CALM3: variants seen among roughly 807,000 people sequenced by gnomAD.
The protein encoded by CALM3 is calmodulin 3, also known as calmodulin-3.
CALM3 carries 5 observed loss-of-function variants against 20.1 expected under a neutral mutation model. The observed-to-expected ratio is 0.25, with a 90% CI of 0.13 to 0.52. The LOEUF (loss-of-function observed/expected upper bound fraction) is 0.52, where lower values mean the gene tolerates loss of function less well. Among genes scored for constraint, CALM3 ranks in the 20% least tolerant of loss-of-function variants. The pLI is 0.96. For missense variants in CALM3, 57 were observed against 192.8 expected (o/e 0.30, Z 4.17); for synonymous variants, 69 against 68.1 (o/e 1.01, Z -0.06).
At chr19:46,609,078 A>G (rs750808046) in intron 5 of CALM3, 47 bp from the exon 6 acceptor site, 25 of 1,613,864 alleles carry the variant, frequency 1.5e-5, no homozygotes, top group African/African-American at 4.0e-5. Context: ...GCCGCTCGCC[A>G]CTTAGCCTGC....
upstream of CALM3, chr19:46,601,168 G>C (rs1971601183): frequency 1.8e-6 from 1 of 558,520 alleles, no homozygotes; most frequent in Admixed American, 3.7e-5. The surrounding 1 kb of genome is among the most constrained non-coding windows in gnomAD (Gnocchi z 4.2). Flanking sequence ...GAGATTCGCG[G>C]GCCCGTAGGT....
chr19:46,610,536 G>C lies in CALM3; in HGVS notation c.*1383G>C, dbSNP rs1192080106. 6.7e-6 allele frequency: 1 copy of C among 148,752 alleles called. No individual in the cohort carries two copies. The highest frequency in any genetic ancestry group is 2.5e-5 in the African/African-American group (1 of 39,814). The allele number at this position is 148,752 out of a possible 1,614,324, so 9.2% of individuals were successfully genotyped here. A position where few individuals can be genotyped will look rare whatever the true frequency, so the allele number is the denominator to read the frequency against. On this transcript the variant is annotated 3_prime_UTR_variant, in exon 6 of 6. Coordinates refer to ENST00000291295, the MANE Select transcript of CALM3 (RefSeq NM_005184.4). ...AGGTCGATCAAGTGGCTTTTCCTGG[G>C]ACCTGCCCAGCTTTGAGAATCTCTT... is the stretch of plus-strand genomic sequence containing the variant.
rs749960299 is a variant in CALM3, at chr19:46,608,170, T to C, written c.35-27T>C. The C allele has an allele frequency of 2.2e-5, 35 of 1,608,252 alleles. No individual in the cohort carries two copies. Among genetic ancestry groups the C allele is most frequent in the Admixed American group, 3.3e-5 (2 of 59,730 alleles). ...GGATTCTCCTGTGGACCTTGTGACC[T>C]CTGACTCCTCCCCCTTCTTCCCCCA... On this transcript the variant is annotated intron_variant, in intron 2 of 5. Transcript: ENST00000291295. This position sits in a 1 kb window ranked among gnomAD's most constrained non-coding sequence, Gnocchi z 5.5.
chr19:46,609,163 G>T lies in CALM3; in HGVS notation c.*10G>T. On this transcript the variant is annotated 3_prime_UTR_variant, in exon 6 of 6. Transcript: ENST00000291295. ...GATGACTGCAAAGTGAAGGCCCCCCGGGCAGCTGGCGATGCCCGTTCTCTT... is the reference window on the plus strand; with the variant it reads ...GATGACTGCAAAGTGAAGGCCCCCCTGGCAGCTGGCGATGCCCGTTCTCTT... The T allele has an allele frequency of 1.9e-6, 3 of 1,613,644 alleles. No individual in the cohort carries two copies. The highest frequency in any genetic ancestry group is 2.5e-6 in the Non-Finnish European group (3 of 1,179,796).
chr19:46,606,846 T>C (rs1473861027), intron 2 of CALM3, among the ~76,000 whole-genome samples: 1 of 152,114 alleles, frequency 6.6e-6, no homozygotes, highest in Non-Finnish European at 1.5e-5. Flanking sequence ...CAGCACACAG[T>C]AGACCAGAGT....
chr19:46,609,502 CTTGT>C lies in CALM3; in HGVS notation c.*354_*357del, dbSNP rs1971825073. On this transcript the variant is annotated 3_prime_UTR_variant, in exon 6 of 6. Transcript: ENST00000291295. ...TCTCCTCCATTTTGGTTTGTTTCCT[CTTGT>C]TTGTCATCTTATTTTGGGTGCTGGG... The C allele has an allele frequency of 2.8e-6, 1 of 352,474 alleles. No homozygotes were observed. The highest frequency in any genetic ancestry group is 5.7e-5 in the East Asian group (1 of 17,412). 21.8% of individuals were successfully genotyped at this position (352,474 alleles called of 1,614,324 possible). A position where few individuals can be genotyped will look rare whatever the true frequency, so the allele number is the denominator to read the frequency against.
At position 46,605,704 on chromosome 19, in the gene CALM3, C is replaced by A; in HGVS notation, c.4-123C>A. ...AGACCCTGACTCTGGCATGCTCCTC[C>A]CTGGCCCGGCGGGAATGGCACGTGG... is the stretch of plus-strand genomic sequence containing the variant. On this transcript the variant is annotated intron_variant, in intron 1 of 5. Coordinates refer to ENST00000291295, the MANE Select transcript of CALM3 (RefSeq NM_005184.4). The surrounding 1 kb of genome is among the most constrained non-coding windows in gnomAD (Gnocchi z 4.1). 1 of 880,312 alleles carries A rather than the reference C, an allele frequency of 1.1e-6. No individual in the cohort carries two copies. The allele number at this position is 880,312 out of a possible 1,614,324, so 54.5% of individuals were successfully genotyped here.
At chr19:46,607,873 T>TCAAAGC (rs1416764628) in intron 2 of CALM3, 8 of 230,362 alleles carry the variant, frequency 3.5e-5, no homozygotes, top group African/African-American at 1.6e-4. Flanking sequence ...AAGGGAGAAG[T>TCAAAGC]CAAAGCCAGG....
At position 46,610,251 on chromosome 19, in the gene CALM3, G is replaced by A. The variant is rs1002103511; in HGVS notation, c.*1098G>A. On this transcript the variant is annotated 3_prime_UTR_variant, in exon 6 of 6. Coordinates refer to ENST00000291295, the MANE Select transcript of CALM3 (RefSeq NM_005184.4). ...GTCCGCCAGCACCTCCCGCTTCTCC[G>A]TGGTGACTTGGCGCCGCTTCCTCAC... The A allele has an allele frequency of 1.5e-4, 23 of 152,742 alleles. 1 individual carries two copies. Among genetic ancestry groups the A allele is most frequent in the African/African-American group, 4.8e-4 (20 of 41,422 alleles). The allele number at this position is 152,742 out of a possible 1,614,324, so 9.5% of individuals were successfully genotyped here. A position where few individuals can be genotyped will look rare whatever the true frequency, so the allele number is the denominator to read the frequency against.
At position 46,608,632 on chromosome 19, in the gene CALM3, C is replaced by A. The variant is rs2122247611; in HGVS notation, c.285+44C>A. 2 of 1,511,980 alleles carry A rather than the reference C, an allele frequency of 1.3e-6. No homozygotes were observed. Among genetic ancestry groups the A allele is most frequent in the South Asian group, 1.1e-5 (1 of 88,596 alleles). The allele number at this position is 1,511,980 out of a possible 1,614,324, so 93.7% of individuals were successfully genotyped here. ...GGGCGGCTCTGAGACTGACGCCAGC[C>A]TTCAGGCAGACAGGCGGAACTGGAG... On this transcript the variant is annotated intron_variant, in intron 4 of 5. Coordinates refer to ENST00000291295, the MANE Select transcript of CALM3 (RefSeq NM_005184.4). This position sits in a 1 kb window ranked among gnomAD's most constrained non-coding sequence, Gnocchi z 5.5.
chr19:46,609,928 A>G lies in CALM3; in HGVS notation c.*775A>G, dbSNP rs1971838791. The G allele has an allele frequency of 1.3e-5, 2 of 152,690 alleles. No individual in the cohort carries two copies. The highest frequency in any genetic ancestry group is 1.3e-4 in the Admixed American group (2 of 15,272). The allele number at this position is 152,690 out of a possible 1,614,324, so 9.5% of individuals were successfully genotyped here. A position where few individuals can be genotyped will look rare whatever the true frequency, so the allele number is the denominator to read the frequency against. ...GAAGCGCTCTCGAGCTGTTCTGTAA[A>G]TACCTGGTGCTAACATCCCATGCCG... On this transcript the variant is annotated 3_prime_UTR_variant, in exon 6 of 6. Coordinates refer to ENST00000291295, the MANE Select transcript of CALM3 (RefSeq NM_005184.4).
intron 1 of CALM3, chr19:46,602,323 A>G: frequency 1.3e-6 from 1 of 754,910 alleles, no homozygotes; most frequent in Non-Finnish European, 1.9e-6. Flanking sequence ...CTCTAGAAAG[A>G]CAGAATTTTT....
At chr19:46,604,819 T>G (rs904651694) in intron 1 of CALM3, among the ~76,000 whole-genome samples, 1 of 152,124 alleles carries the variant, frequency 6.6e-6, no homozygotes, top group South Asian at 2.1e-4. Flanking sequence ...CTTCACAGCA[T>G]CAACAAAAAC....
intron 2 of CALM3, among the ~76,000 whole-genome samples, chr19:46,607,773 TC>T: frequency 6.6e-6 from 1 of 152,230 alleles, no homozygotes; most frequent in Non-Finnish European, 1.5e-5. Context: ...CCCCTCCTCG[TC>T]CCAGCCAGCC....
rs570672518 is a variant in CALM3 at position 46,608,692 on chromosome 19, C to T, written c.285+104C>T. 3.0e-5 allele frequency: 38 copies of T among 1,254,104 alleles called. No individual in the cohort carries two copies. Among genetic ancestry groups the T allele is most frequent in the Admixed American group, 1.0e-4 (5 of 48,906 alleles). The allele number at this position is 1,254,104 out of a possible 1,614,324, so 77.7% of individuals were successfully genotyped here. On this transcript the variant is annotated intron_variant, in intron 4 of 5. Transcript: ENST00000291295. The surrounding 1 kb of genome is among the most constrained non-coding windows in gnomAD (Gnocchi z 5.5). ...TACCACTTCCAGGAGGTCCGGGTCC[C>T]GGTGCCAGCCTCATTGCCAACCTGC...
At position 46,609,240 on chromosome 19, in the gene CALM3, C is replaced by T; in HGVS notation, c.*87C>T. The T allele has an allele frequency of 8.0e-7, 1 of 1,246,352 alleles. No individual in the cohort carries two copies. Among genetic ancestry groups the T allele is most frequent in the East Asian group, 2.5e-5 (1 of 40,194 alleles). 77.2% of individuals were successfully genotyped at this position (1,246,352 alleles called of 1,614,324 possible). A position where few individuals can be genotyped will look rare whatever the true frequency, so the allele number is the denominator to read the frequency against. On this transcript the variant is annotated 3_prime_UTR_variant, in exon 6 of 6. Coordinates refer to ENST00000291295, the MANE Select transcript of CALM3 (RefSeq NM_005184.4). ...CTCTCTTCAACACTCCCCTGCGTAC[C>T]CCGGTTCTAGCAAACACCAATTGAT...
intron 1 of CALM3, chr19:46,602,245 G>T: frequency 7.5e-7 from 1 of 1,335,734 alleles, no homozygotes; most frequent in Non-Finnish European, 1.0e-6. Flanking sequence ...CGGGGGACAG[G>T]GACCCTTGGG....
chr19:46,607,503 G>C (rs1307988112), intron 2 of CALM3, among the ~76,000 whole-genome samples: 1 of 152,204 alleles, frequency 6.6e-6, no homozygotes, highest in East Asian at 1.9e-4. Context: ...TGCGGCCCCA[G>C]CTGTGGCCTT....
Position 46,608,168 on chromosome 19 carries a change from C to G in CALM3, c.35-29C>G, listed in dbSNP as rs1012699471. 4 of 1,606,994 alleles carry G rather than the reference C, an allele frequency of 2.5e-6. No individual in the cohort carries two copies. In the African/African-American group the frequency reaches 5.3e-5, roughly 21 times the overall value. On this transcript the variant is annotated intron_variant, in intron 2 of 5. Transcript: ENST00000291295. The surrounding 1 kb of genome is among the most constrained non-coding windows in gnomAD (Gnocchi z 5.5). Reference sequence around the variant, plus strand: ...AAGGATTCTCCTGTGGACCTTGTGACCTCTGACTCCTCCCCCTTCTTCCCC... The same window carrying G: ...AAGGATTCTCCTGTGGACCTTGTGAGCTCTGACTCCTCCCCCTTCTTCCCC...
Sources: allele counts gnomAD v4.1 joint callset (sites outside exome capture counted in the v4.1 genomes callset), GRCh38; gene constraint gnomAD v4.1.1; non-coding constraint Gnocchi (gnomAD v3.1); transcripts MANE v1.5; gene names NCBI Gene and HGNC (gene_info 2026-07-23, HGNC 2026-07-21).